NEXN: variants seen among roughly 807,000 people sequenced by gnomAD.
The protein encoded by NEXN is nexilin.
A neutral mutation model predicts 92.6 loss-of-function variants in NEXN; 65 were observed. The observed-to-expected ratio is 0.70, with a 90% CI of 0.57 to 0.86. The LOEUF (loss-of-function observed/expected upper bound fraction) is 0.86, where lower values mean the gene tolerates loss of function less well. Among genes scored for constraint, NEXN ranks in the 40% least tolerant of loss-of-function variants. The pLI is 0.00. For synonymous variants in NEXN, 254 were observed against 242.5 expected (o/e 1.05, Z -0.44); for missense variants, 778 against 771.1 (o/e 1.01, Z -0.11).
Position 77,942,580 on chromosome 1 carries a change from T to G in NEXN, c.1779T>G (p.Val593=). The change falls in exon 13 of 13, where the codon GTT becomes GTG. Residue 593 remains valine (V), a synonymous_variant. Coordinates refer to ENST00000334785, the MANE Select transcript of NEXN (RefSeq NM_144573.4). The part of the protein sequence containing the change: ...WFKKPLKNTS[V]VDSEPVRFTV... ...AGAAGCCTCTTAAAAACACATCAGTTGTAGACAGTGAGCCAGTCAGATTTA... is the reference window on the plus strand; with the variant it reads ...AGAAGCCTCTTAAAAACACATCAGTGGTAGACAGTGAGCCAGTCAGATTTA... 3 of 1,613,778 alleles carry G rather than the reference T, an allele frequency of 1.9e-6. No individual in the cohort carries two copies. The highest frequency in any genetic ancestry group is 1.7e-6 in the Non-Finnish European group (2 of 1,179,774).
chr1:77,934,410 T>A (rs1248857098), intron 10 of NEXN, among the ~76,000 whole-genome samples: 1 of 152,184 alleles, frequency 6.6e-6, no homozygotes, highest in East Asian at 1.9e-4. Flanking sequence ...CTTCCACAGT[T>A]CTGGGATTAC....
chr1:77,929,352 A>G lies in NEXN; in HGVS notation c.901A>G (p.Ile301Val), dbSNP rs1454711787. ...EDEENQDTAK[I>V]FKGYRPGKLK... ...TGAGGAAAACCAAGACACAGCAAAA[A>G]TTTTTAAAGGGTACCGCCCTGGTAA... The change falls in exon 9 of 13, where the codon ATT (isoleucine) becomes GTT (valine). Residue 301 changes from isoleucine to valine, a missense_variant. Transcript: ENST00000334785. The G allele has an allele frequency of 6.2e-7, 1 of 1,613,708 alleles. No individual in the cohort carries two copies. The highest frequency in any genetic ancestry group is 8.5e-7 in the Non-Finnish European group (1 of 1,179,864).
chr1:77,888,841 G>C (rs1364609946), intron 1 of NEXN, 82 bp downstream of exon 1: 4 of 153,520 alleles, frequency 2.6e-5, no homozygotes, highest in African/African-American at 7.2e-5. Flanking sequence ...GGGCGGGAAC[G>C]GCGGCTGCAG....
chr1:77,938,577 G>A (rs1650982823), intron 11 of NEXN, among the ~76,000 whole-genome samples: 1 of 118,790 alleles, frequency 8.4e-6, no homozygotes, highest in Non-Finnish European at 1.7e-5. Flanking sequence ...TGGCGACAGA[G>A]CAAGACTGTC....
At chr1:77,897,993 G>T (rs1571070028) in intron 1 of NEXN, among the ~76,000 whole-genome samples, 1 of 152,084 alleles carries the variant, frequency 6.6e-6, no homozygotes, top group African/African-American at 2.4e-5. Context: ...ACAAACCACT[G>T]CTCAATGAAA....
chr1:77,937,857 G>A (rs1276447727), intron 11 of NEXN, among the ~76,000 whole-genome samples: 1 of 152,144 alleles, frequency 6.6e-6, no homozygotes, highest in Admixed American at 6.6e-5. Flanking sequence ...CAATTATCAG[G>A]TGGTTAACAA....
At chr1:77,931,695 T>A (rs1373045834) in intron 9 of NEXN, 1 of 152,236 alleles carries the variant, frequency 6.6e-6, no homozygotes, top group African/African-American at 2.4e-5. Context: ...TGTAATTTCA[T>A]ACCATAGCTT....
chr1:77,913,612 G>C (rs551886363), intron 1 of NEXN, among the ~76,000 whole-genome samples: 103 of 152,082 alleles, frequency 6.8e-4, no homozygotes, highest in African/African-American at 2.4e-3. Flanking sequence ...CTATTAGAAT[G>C]GCCAAAATTC....
chr1:77,923,260 G>A (rs1649583839), intron 5 of NEXN, among the ~76,000 whole-genome samples: 4 of 150,096 alleles, frequency 2.7e-5, no homozygotes, highest in African/African-American at 9.8e-5. Context: ...CTCCCAAAAT[G>A]CTGTGTTTAC....
At chr1:77,899,419 AAC>A (rs1294784993) in intron 1 of NEXN, among the ~76,000 whole-genome samples, 2 of 152,092 alleles carry the variant, frequency 1.3e-5, no homozygotes, top group East Asian at 3.9e-4. Flanking sequence ...CAAAAAACCA[AAC>A]ACCGCATGTT....
chr1:77,931,231 CAAAAAAAAAAAA>C (rs367898061), intron 9 of NEXN, among the ~76,000 whole-genome samples: 11 of 120,574 alleles, frequency 9.1e-5, no homozygotes, highest in South Asian at 2.7e-4. Flanking sequence ...ACTAAAAATA[CAAAAAAAAAAAA>C]AAAAAAAAAA....
intron 5 of NEXN, among the ~76,000 whole-genome samples, chr1:77,919,933 T>C (rs1487456837): frequency 6.8e-6 from 1 of 147,892 alleles, no homozygotes; most frequent in Non-Finnish European, 1.5e-5. Context: ...GGAGTCTCGC[T>C]CTGTCACCCA....
At position 77,942,495 on chromosome 1, in the gene NEXN, T is replaced by C. The variant is rs763580457; in HGVS notation, c.1694T>C (p.Ile565Thr). ...REEEEEEEGS[I>T]MNGSTAEDEE... ...GAGGAGGAGGAGGAAGAAGGTAGCA[T>C]CATGAATGGCTCCACTGCTGAAGAT... is the stretch of plus-strand genomic sequence containing the variant. Residue 565 changes from isoleucine to threonine, a missense_variant, in exon 13 of 13, where the codon ATC (isoleucine) becomes ACC (threonine). Physicochemically the swap from Ile to Thr is moderately conservative, Grantham distance 89. Transcript: ENST00000334785. The C allele has an allele frequency of 5.6e-6, 9 of 1,613,858 alleles. No individual in the cohort carries two copies. Among genetic ancestry groups the C allele is most frequent in the East Asian group, 2.2e-5 (1 of 44,874 alleles).
At chr1:77,908,969 C>T (rs1346003982) in intron 1 of NEXN, among the ~76,000 whole-genome samples, 1 of 151,788 alleles carries the variant, frequency 6.6e-6, no homozygotes, top group African/African-American at 2.4e-5. Flanking sequence ...GTATGGAGGC[C>T]GTGGAAATAT....
At chr1:77,919,329 T>G (rs1205082018) in intron 5 of NEXN, among the ~76,000 whole-genome samples, 4 of 152,196 alleles carry the variant, frequency 2.6e-5, no homozygotes, top group Non-Finnish European at 5.9e-5. Context: ...TATCAGCTGG[T>G]CTTTTAAGGC....
intron 9 of NEXN, among the ~76,000 whole-genome samples, chr1:77,932,318 GTTTC>G (rs946045248): frequency 2.0e-5 from 3 of 152,150 alleles, no homozygotes; most frequent in African/African-American, 7.2e-5. Context: ...CAGTGCCTCA[GTTTC>G]TTTCTCTGTA....
chr1:77,894,600 C>G (rs1242674351), intron 1 of NEXN, among the ~76,000 whole-genome samples: 4 of 151,992 alleles, frequency 2.6e-5, no homozygotes, highest in Admixed American at 2.6e-4. Context: ...ACCACCACAC[C>G]TGGCTAATTT....
chr1:77,898,136 T>C (rs1236618192), intron 1 of NEXN, among the ~76,000 whole-genome samples: 3 of 152,186 alleles, frequency 2.0e-5, no homozygotes, highest in Non-Finnish European at 4.4e-5. Context: ...CCAATGACTT[T>C]CTTCACGGAA....
chr1:77,904,730 G>C (rs1050400819), intron 1 of NEXN, among the ~76,000 whole-genome samples: 4 of 152,180 alleles, frequency 2.6e-5, no homozygotes, highest in Non-Finnish European at 5.9e-5. Context: ...CATCTAACTG[G>C]AAGTTGGGGA....
Sources: allele counts gnomAD v4.1 joint callset (sites outside exome capture counted in the v4.1 genomes callset), GRCh38; gene constraint gnomAD v4.1.1; transcripts MANE v1.5; gene names NCBI Gene and HGNC (gene_info 2026-07-23, HGNC 2026-07-21).